EIF5B: variants seen among roughly 807,000 people sequenced by gnomAD.
The protein encoded by EIF5B is eukaryotic translation initiation factor 5B.
EIF5B carries 47 observed loss-of-function variants against 147.5 expected under a neutral mutation model. The ratio of observed to expected loss-of-function variants is 0.32; its 90% CI spans 0.25 to 0.41. The LOEUF (loss-of-function observed/expected upper bound fraction) is 0.41. Among genes scored for constraint, EIF5B ranks in the 10% least tolerant of loss-of-function variants. EIF5B has a pLI of 1.00. For missense variants in EIF5B, 1,064 were observed against 1,413.2 expected, an observed-to-expected ratio of 0.75 and a Z score of 3.96; for synonymous variants, 455 against 456.2, an observed-to-expected ratio of 1.00 and a Z score of 0.03.
In EIF5B at chr2:99,346,821, C is replaced by T. The variant is rs529629441; in HGVS notation, c.35+9232C>T. Among the ~76,000 whole-genome samples the T allele has an allele frequency of 4.4e-3, 661 of 151,704 alleles. 2 individuals carry two copies. Among genetic ancestry groups the T allele is most frequent in the Non-Finnish European group, 7.6e-3 (515 of 67,892 alleles). ...TCCTGACCTTGTGATCCACCCGCCT[C>T]GGCCTCCCAAAGTGCTGGGATTACA... On this transcript the variant is annotated intron_variant, in intron 1 of 23. Transcript: ENST00000289371.
At chr2:99,360,090 A>G (rs1170888085) in intron 1 of EIF5B, 146 bp from the exon 2 acceptor site, 1 of 905,274 alleles carries the variant, frequency 1.1e-6, no homozygotes, top group Non-Finnish European at 1.6e-6. Flanking sequence ...AGTAGATGTA[A>G]CTTGTGTTGT....
At chr2:99,338,982 A>G (rs1356796125) in intron 1 of EIF5B, among the ~76,000 whole-genome samples, 2 of 138,870 alleles carry the variant, frequency 1.4e-5, no homozygotes, top group Middle Eastern at 3.8e-3. Flanking sequence ...ATATATACAA[A>G]TATATACACA....
intron 22 of EIF5B, 23 bp from the exon 23 acceptor site, chr2:99,398,725 T>G: frequency 6.3e-7 from 1 of 1,596,710 alleles, no homozygotes; most frequent in Non-Finnish European, 8.5e-7. Context: ...CTGCATGCAT[T>G]TTAATTTGTT....
intron 8 of EIF5B, among the ~76,000 whole-genome samples, chr2:99,370,694 A>T (rs957954326): frequency 6.6e-6 from 1 of 152,230 alleles, no homozygotes; most frequent in Non-Finnish European, 1.5e-5. Flanking sequence ...TATTTCAGGG[A>T]AGCAGGTACC....
intron 12 of EIF5B, among the ~76,000 whole-genome samples, chr2:99,379,704 T>G (rs1674650362): frequency 2.6e-5 from 4 of 152,176 alleles, no homozygotes; most frequent in African/African-American, 9.7e-5. Context: ...GCTTTAACAC[T>G]GATACCATTT....
intron 8 of EIF5B, among the ~76,000 whole-genome samples, chr2:99,369,833 G>A (rs1027487342): frequency 5.3e-5 from 8 of 151,848 alleles, no homozygotes; most frequent in Non-Finnish European, 1.2e-4. Flanking sequence ...AAAATTAGCC[G>A]GGGGTGGTGG....
At chr2:99,373,511 C>G (rs765708286) in intron 9 of EIF5B, among the ~76,000 whole-genome samples, 1 of 152,138 alleles carries the variant, frequency 6.6e-6, no homozygotes, top group Non-Finnish European at 1.5e-5. Flanking sequence ...GTGACTTAAT[C>G]ACTCCCCAAA....
intron 18 of EIF5B, 69 bp downstream of exon 18, chr2:99,393,167 G>GC: frequency 7.4e-7 from 1 of 1,343,550 alleles, no homozygotes; most frequent in Non-Finnish European, 9.7e-7. Flanking sequence ...CATTGCACAT[G>GC]CTAGGGATGG....
At chr2:99,391,873 A>G (rs1674944255) in intron 17 of EIF5B, among the ~76,000 whole-genome samples, 1 of 151,544 alleles carries the variant, frequency 6.6e-6, no homozygotes, top group Non-Finnish European at 1.5e-5. Flanking sequence ...TTGGGACTAT[A>G]GGTACGCACC....
intron 1 of EIF5B, among the ~76,000 whole-genome samples, chr2:99,347,738 T>C (rs753139291): frequency 2.6e-5 from 4 of 152,156 alleles, no homozygotes; most frequent in African/African-American, 4.8e-5. Flanking sequence ...GAGCTTTACA[T>C]GACAGATTCT....
intron 13 of EIF5B, 120 bp from the exon 14 acceptor site, chr2:99,382,660 C>A: frequency 2.9e-6 from 3 of 1,028,948 alleles, no homozygotes; most frequent in Admixed American, 6.6e-5. Flanking sequence ...GCTAATAGTA[C>A]TTGAACAATT....
At chr2:99,370,465 C>T (rs775676406) in intron 8 of EIF5B, among the ~76,000 whole-genome samples, 6 of 152,178 alleles carry the variant, frequency 3.9e-5, no homozygotes, top group Non-Finnish European at 7.3e-5. Flanking sequence ...TCTCTTTTCT[C>T]TTCTGAGCGA....
At chr2:99,363,514 G>A in intron 4 of EIF5B, 131 bp from the exon 5 acceptor site, 3 of 892,706 alleles carry the variant, frequency 3.4e-6, no homozygotes, top group Admixed American at 2.4e-5. Flanking sequence ...CTTGATGCCT[G>A]TAGAACTTAG....
At chr2:99,392,888 G>T in intron 17 of EIF5B, 79 bp from the exon 18 acceptor site, 1 of 1,258,742 alleles carries the variant, frequency 7.9e-7, no homozygotes, top group South Asian at 3.0e-5. Context: ...CTAATATCAT[G>T]ATGAGATTCT....
intron 18 of EIF5B, 125 bp downstream of exon 18, chr2:99,393,223 C>G (rs796988859): frequency 1.2e-6 from 1 of 807,304 alleles, no homozygotes; most frequent in African/African-American, 1.8e-5. Flanking sequence ...ATTTCTTGGC[C>G]TCTTAGCAAA....
intron 8 of EIF5B, among the ~76,000 whole-genome samples, chr2:99,369,800 C>T (rs961575135): frequency 3.9e-5 from 6 of 152,068 alleles, no homozygotes; most frequent in Non-Finnish European, 5.9e-5. Flanking sequence ...CACGGTGAAA[C>T]TCCATCTCTA....
intron 14 of EIF5B, among the ~76,000 whole-genome samples, chr2:99,388,039 C>A (rs1674847760): frequency 6.6e-6 from 1 of 152,114 alleles, no homozygotes; most frequent in Non-Finnish European, 1.5e-5. Flanking sequence ...ACATATTTTT[C>A]TGAATTTATC....
intron 4 of EIF5B, among the ~76,000 whole-genome samples, chr2:99,362,654 G>A (rs1390692726): frequency 3.3e-5 from 5 of 151,986 alleles, no homozygotes; most frequent in Admixed American, 1.3e-4. Flanking sequence ...AGCGGAGATC[G>A]CACCACTGCA....
intron 22 of EIF5B, chr2:99,398,504 C>A: frequency 3.0e-6 from 1 of 338,080 alleles, no homozygotes. Flanking sequence ...GTCAACAGGG[C>A]ACTTGGAATG....
Sources: gnomAD v4.1 joint callset for allele counts (sites outside exome capture counted in the v4.1 genomes callset) on GRCh38, gnomAD v4.1.1 for gene constraint, MANE v1.5 for transcripts, NCBI Gene and HGNC (gene_info 2026-07-23, HGNC 2026-07-21) for gene names.